STIM1: variants seen among roughly 807,000 people sequenced by gnomAD.
STIM1 encodes stromal interaction molecule 1.
A neutral mutation model predicts 74.7 loss-of-function variants in STIM1; 25 were observed. That is an observed-to-expected ratio of 0.33 (90% CI 0.24 to 0.47). The LOEUF is 0.47. Among genes scored for constraint, STIM1 ranks in the 20% least tolerant of loss-of-function variants. The pLI is 1.00. For missense variants in STIM1, 728 were observed against 920.8 expected (o/e 0.79, Z 2.71); for synonymous variants, 328 against 348.8 (o/e 0.94, Z 0.66).
At chr11:4,043,431 G>A (rs2959072) in intron 3 of STIM1, among the ~76,000 whole-genome samples, 124,205 of 152,026 alleles carry the variant, frequency 0.82, 52,469 homozygotes, top group East Asian at 0.95. Flanking sequence ...CTTTACCTCC[G>A]TAAGTAGTCT....
intron 3 of STIM1, among the ~76,000 whole-genome samples, chr11:4,027,738 A>G (rs572688290): frequency 6.6e-6 from 1 of 152,302 alleles, no homozygotes; most frequent in African/African-American, 2.4e-5. Context: ...TGTGGATTAC[A>G]GATTTAAATA....
rs567220060 is a variant in STIM1 at position 3,943,720 on chromosome 11, G to C, written c.140-23832G>C. 3.3e-5 allele frequency among the ~76,000 whole-genome samples: 5 copies of C among 152,292 alleles called. No homozygotes were observed. The South Asian group carries it at 1.0e-3, about 32-fold the overall frequency. On this transcript the variant is annotated intron_variant, in intron 1 of 12. Coordinates refer to ENST00000526596, the MANE Select transcript of STIM1 (RefSeq NM_001382567.1). Reference sequence around the variant, plus strand: ...AGTTTGAGGCTAGCCTGGGCAACAGGAGAGACTCTGTCTCTGCAAAACACA... The same window carrying C: ...AGTTTGAGGCTAGCCTGGGCAACAGCAGAGACTCTGTCTCTGCAAAACACA...
At chr11:4,071,954 C>G (rs565790917) in intron 6 of STIM1, among the ~76,000 whole-genome samples, 1 of 152,178 alleles carries the variant, frequency 6.6e-6, no homozygotes, top group Non-Finnish European at 1.5e-5. Flanking sequence ...GATCTCTAAG[C>G]TGATTCCTGG....
At chr11:3,867,263 G>A (rs915205710) in intron 1 of STIM1, 7 of 152,246 alleles carry the variant, frequency 4.6e-5, no homozygotes, top group Admixed American at 1.3e-4. Context: ...CATAATGAGG[G>A]ATGGTTTGGC....
chr11:3,875,739 C>A (rs533287051), intron 1 of STIM1, among the ~76,000 whole-genome samples: 33 of 148,512 alleles, frequency 2.2e-4, no homozygotes, highest in East Asian at 7.9e-4. Context: ...AAAAAAAAAA[C>A]CCCTAAAAAC....
intron 1 of STIM1, among the ~76,000 whole-genome samples, chr11:3,900,101 C>A (rs112541604): frequency 0.031 from 4,715 of 152,156 alleles, 105 homozygotes; most frequent in South Asian, 0.094. Flanking sequence ...GGTACCAGTT[C>A]CTCCTTGTAC....
Position 4,076,412 on chromosome 11 carries a change from G to C in STIM1, c.969+1733G>C, listed in dbSNP as rs377004579. 1.8e-4 allele frequency among the ~76,000 whole-genome samples: 25 copies of C among 139,888 alleles called. No individual in the cohort carries two copies. In the South Asian group the frequency reaches 3.9e-3, roughly 22 times the overall value. The allele number at this position is 139,888 out of a possible 152,430, so 91.8% of individuals were successfully genotyped here. On this transcript the variant is annotated intron_variant, in intron 7 of 12. Transcript: ENST00000526596. ...GAGGCAGGAGGATTGCTTGAGCTTGGGAGGTGGAGGTTGCAGTGAGCCAAG... is the reference window on the plus strand; with the variant it reads ...GAGGCAGGAGGATTGCTTGAGCTTGCGAGGTGGAGGTTGCAGTGAGCCAAG...
rs371711038 is a variant in STIM1, at chr11:3,973,576, T to C, written c.270+5894T>C. On this transcript the variant is annotated intron_variant, in intron 2 of 12. Transcript: ENST00000526596. ...CACTGCACCTAGCTAATTTTTGTATTTTTTGTAGAGATGAGGTCTTGCCAT... is the reference window on the plus strand; with the variant it reads ...CACTGCACCTAGCTAATTTTTGTATCTTTTGTAGAGATGAGGTCTTGCCAT... 1.6e-4 allele frequency among the ~76,000 whole-genome samples: 25 copies of C among 152,168 alleles called. No individual in the cohort carries two copies. The South Asian group carries it at 3.5e-3, about 21-fold the overall frequency.
chr11:4,042,555 T>C (rs941419014), intron 3 of STIM1, among the ~76,000 whole-genome samples: 2 of 152,208 alleles, frequency 1.3e-5, no homozygotes, highest in Non-Finnish European at 2.9e-5. Context: ...TAAATGTTTT[T>C]TCCCCCTAAT....
intron 3 of STIM1, among the ~76,000 whole-genome samples, chr11:4,045,762 CTTTTTTTTT>C (rs35939527): frequency 5.7e-5 from 6 of 104,488 alleles, no homozygotes; most frequent in Admixed American, 1.2e-4. Context: ...CTCAACACTT[CTTTTTTTTT>C]TTTTTTTTTT....
intron 2 of STIM1, among the ~76,000 whole-genome samples, chr11:3,997,639 G>A (rs1451642036): frequency 6.6e-6 from 1 of 152,108 alleles, no homozygotes; most frequent in East Asian, 1.9e-4. Flanking sequence ...TTTAAGTGAG[G>A]GAATAGCATG....
intron 3 of STIM1, among the ~76,000 whole-genome samples, chr11:4,054,116 G>A (rs1222071198): frequency 6.6e-6 from 1 of 152,164 alleles, no homozygotes; most frequent in Admixed American, 6.5e-5. Flanking sequence ...GGCTACTACT[G>A]CTTGGACAGT....
chr11:3,951,136 T>A (rs2093142526), intron 1 of STIM1, among the ~76,000 whole-genome samples: 1 of 152,202 alleles, frequency 6.6e-6, no homozygotes, highest in Non-Finnish European at 1.5e-5. Flanking sequence ...GAGCCTGGGC[T>A]GCCAGGAGGC....
intron 1 of STIM1, among the ~76,000 whole-genome samples, chr11:3,956,823 CAA>C (rs78285130): frequency 1.8e-4 from 7 of 38,198 alleles, no homozygotes; most frequent in Admixed American, 4.0e-4. Flanking sequence ...ACCCTGTCTC[CAA>C]AAAAAAAAAA....
At chr11:4,073,573 C>T (rs1032069664) in intron 6 of STIM1, among the ~76,000 whole-genome samples, 1 of 152,122 alleles carries the variant, frequency 6.6e-6, no homozygotes, top group Non-Finnish European at 1.5e-5. Flanking sequence ...GGGCTTGGCA[C>T]TTAGTAGGCA....
rs553353864 is a variant in STIM1 at position 3,908,064 on chromosome 11, C to A, written c.139+51655C>A. On this transcript the variant is annotated intron_variant, in intron 1 of 12. Coordinates refer to ENST00000526596, the MANE Select transcript of STIM1 (RefSeq NM_001382567.1). Reference sequence around the variant, plus strand: ...CCATCTGGCATATTTATTGGTCAGGCCTTTCACCTTGCACCCCCACTCCCT... The same window carrying A: ...CCATCTGGCATATTTATTGGTCAGGACTTTCACCTTGCACCCCCACTCCCT... Among the ~76,000 whole-genome samples the A allele has an allele frequency of 5.9e-5, 9 of 152,304 alleles. No homozygotes were observed. The South Asian group carries it at 1.7e-3, about 28-fold the overall frequency.
intron 2 of STIM1, among the ~76,000 whole-genome samples, 190 bp downstream of exon 2, chr11:3,967,872 T>C (rs1430411391): frequency 1.3e-5 from 2 of 152,176 alleles, no homozygotes; most frequent in African/African-American, 4.8e-5. Context: ...GAGTGTAGGC[T>C]TTATGCTTGT....
chr11:3,860,607 T>G (rs984382626), intron 1 of STIM1, among the ~76,000 whole-genome samples: 1 of 152,160 alleles, frequency 6.6e-6, no homozygotes, highest in African/African-American at 2.4e-5. Flanking sequence ...TCTCAGATCT[T>G]GAGATGAAAA....
intron 1 of STIM1, among the ~76,000 whole-genome samples, chr11:3,857,108 G>GTTTTTTTTT (rs34961672): frequency 9.6e-6 from 1 of 104,038 alleles, no homozygotes; most frequent in Non-Finnish European, 1.9e-5. Flanking sequence ...TTTTTTTTTT[G>GTTTTTTTTT]TTTTTTTTTT....
Sources: gnomAD v4.1 joint callset for allele counts (sites outside exome capture counted in the v4.1 genomes callset) on GRCh38, gnomAD v4.1.1 for gene constraint, MANE v1.5 for transcripts, NCBI Gene and HGNC (gene_info 2026-07-23, HGNC 2026-07-21) for gene names.